The following MMD2 variants were observed in gnomAD, a reference collection of about 807,000 sequenced individuals.
MMD2 encodes the protein monocyte to macrophage differentiation associated 2, also known as monocyte to macrophage differentiation factor 2.
A neutral mutation model predicts 33.5 loss-of-function variants in MMD2; 30 were observed. The observed-to-expected ratio is 0.90, with a 90% CI of 0.67 to 1.22. The LOEUF (loss-of-function observed/expected upper bound fraction) is 1.22, where lower values mean the gene tolerates loss of function less well. Among genes scored for constraint, MMD2 ranks in the 50% most tolerant of loss-of-function variants. The pLI is 0.00. For synonymous variants in MMD2, 129 were observed against 123.0 expected, an observed-to-expected ratio of 1.05 and a Z score of -0.32; for missense variants, 364 against 325.4, an observed-to-expected ratio of 1.12 and a Z score of -0.91.
the MMD2 span, among the ~76,000 whole-genome samples, chr7:4,900,133 TC>T: frequency 6.6e-6 from 1 of 152,024 alleles, no homozygotes; most frequent in Non-Finnish European, 1.5e-5. Flanking sequence ...AAATCCCATC[TC>T]TACTAAAAAT....
chr7:4,913,706 G>C (rs1388841992), intron 4 of MMD2, among the ~76,000 whole-genome samples: 1 of 112,250 alleles, frequency 8.9e-6, no homozygotes, highest in African/African-American at 3.4e-5. Flanking sequence ...CAACAAGAGC[G>C]AAACTCTATC....
chr7:4,934,679 CCAGA>C (rs1354128917), intron 1 of MMD2, among the ~76,000 whole-genome samples: 2 of 152,158 alleles, frequency 1.3e-5, no homozygotes, highest in Non-Finnish European at 2.9e-5. Flanking sequence ...GGACCCAGAG[CCAGA>C]TGCTGGCAGG....
At chr7:4,925,411 G>C in intron 2 of MMD2, 40 bp downstream of exon 2, 2 of 1,421,736 alleles carry the variant, frequency 1.4e-6, no homozygotes, top group South Asian at 2.8e-5. Flanking sequence ...CCCCGGAAGT[G>C]TCCCCATCTC....
intron 1 of MMD2, among the ~76,000 whole-genome samples, chr7:4,951,568 T>G (rs151061329): frequency 1.5e-3 from 224 of 152,230 alleles, no homozygotes; most frequent in Middle Eastern, 6.8e-3. Context: ...ACCTGTGGTT[T>G]CTGCCCATCC....
At chr7:4,951,355 G>T (rs1159299683) in intron 1 of MMD2, among the ~76,000 whole-genome samples, 1 of 151,882 alleles carries the variant, frequency 6.6e-6, no homozygotes, top group Non-Finnish European at 1.5e-5. Flanking sequence ...GTGTGCTCGG[G>T]ACTCGTTGGG....
At chr7:4,944,375 T>A (rs1319265702) in intron 1 of MMD2, among the ~76,000 whole-genome samples, 1 of 152,020 alleles carries the variant, frequency 6.6e-6, no homozygotes, top group Non-Finnish European at 1.5e-5. Flanking sequence ...CAAAGGTGGG[T>A]CTAGTTCCAG....
chr7:4,935,671 C>T lies in MMD2; in HGVS notation c.48-10139G>A, dbSNP rs1402508690. Among the ~76,000 whole-genome samples the T allele has an allele frequency of 2.4e-5, 3 of 124,230 alleles. No homozygotes were observed. In the Admixed American group the frequency reaches 2.5e-4, roughly 10 times the overall value. 81.5% of individuals were successfully genotyped at this position (124,230 alleles called of 152,430 possible). A position where few individuals can be genotyped will look rare whatever the true frequency, so the allele number is the denominator to read the frequency against. On this transcript the variant is annotated intron_variant, in intron 1 of 6. Coordinates refer to ENST00000401401, the MANE Select transcript of MMD2 (RefSeq NM_198403.4). ...CCAGCCTGAATAACAGAGCAAGACC[C>T]TGTCTCAAAAAAAAAAAAAAAAAAA...
In MMD2 at chr7:4,953,177, G is replaced by A. The variant is rs772515125; in HGVS notation, c.47+5794C>T. Among the ~76,000 whole-genome samples, 95 of 151,816 alleles carry A rather than the reference G, an allele frequency of 6.3e-4. No individual in the cohort carries two copies. In the Middle Eastern group the frequency reaches 0.014, roughly 22 times the overall value. On this transcript the variant is annotated intron_variant, in intron 1 of 6. Coordinates refer to ENST00000401401, the MANE Select transcript of MMD2 (RefSeq NM_198403.4). Reference sequence around the variant, plus strand: ...CTACAGTTCCCCATCTCACCTGGACGTATTCCTATCTGAAGTGTTATCACA... The same window carrying A: ...CTACAGTTCCCCATCTCACCTGGACATATTCCTATCTGAAGTGTTATCACA...
rs1786388066 is a variant in MMD2, at chr7:4,956,624, T to A, written c.47+2347A>T. On this transcript the variant is annotated intron_variant, in intron 1 of 6. Transcript: ENST00000401401. Reference sequence around the variant, plus strand: ...GACTGGCCCGTGCTCCAGCTCCAGATCCCTATTCCAATTCCAGAGCAGCCA... The same window carrying A: ...GACTGGCCCGTGCTCCAGCTCCAGAACCCTATTCCAATTCCAGAGCAGCCA... 2.0e-5 allele frequency among the ~76,000 whole-genome samples: 3 copies of A among 151,984 alleles called. No homozygotes were observed. The East Asian group carries it at 5.8e-4, about 29-fold the overall frequency.
chr7:4,930,749 G>A (rs771193202), intron 1 of MMD2, among the ~76,000 whole-genome samples: 5 of 152,168 alleles, frequency 3.3e-5, no homozygotes, highest in South Asian at 2.1e-4. Context: ...GTGGCAATGC[G>A]AAGAAATATC....
In MMD2 at chr7:4,909,643, C is replaced by T. The variant is rs960546878; in HGVS notation, c.537+238G>A. 1.2e-4 allele frequency: 83 copies of T among 702,158 alleles called. 1 individual carries two copies. The Middle Eastern group carries it at 8.6e-3, about 73-fold the overall frequency. The allele number at this position is 702,158 out of a possible 1,614,324, so 43.5% of individuals were successfully genotyped here. A position where few individuals can be genotyped will look rare whatever the true frequency, so the allele number is the denominator to read the frequency against. The stretch of plus-strand genomic sequence containing the variant: ...TTAGAGATGGGTCTTGCTATGTTGC[C>T]CAGGCTGGTCTCAAATCCCTGGACT... On this transcript the variant is annotated intron_variant, in intron 6 of 6. Transcript: ENST00000401401.
At chr7:4,921,558 T>C (rs552810524) in intron 2 of MMD2, among the ~76,000 whole-genome samples, 2 of 149,922 alleles carry the variant, frequency 1.3e-5, no homozygotes, top group African/African-American at 2.5e-5. Flanking sequence ...GAGGTGGAGA[T>C]TGCAGTGAGC....
chr7:4,912,296 C>A (rs7807324), intron 4 of MMD2, among the ~76,000 whole-genome samples: 1 of 151,890 alleles, frequency 6.6e-6, no homozygotes, highest in Non-Finnish European at 1.5e-5. Flanking sequence ...CGGTGGCTCA[C>A]GCCTGTAATC....
intron 3 of MMD2, among the ~76,000 whole-genome samples, chr7:4,917,174 G>A (rs561879470): frequency 6.6e-6 from 1 of 152,096 alleles, no homozygotes; most frequent in South Asian, 2.1e-4. Flanking sequence ...CCAAGCTGTG[G>A]AGCCAAAAGG....
chr7:4,956,508 G>A (rs146958483), intron 1 of MMD2, among the ~76,000 whole-genome samples: 18 of 151,910 alleles, frequency 1.2e-4, no homozygotes, highest in African/African-American at 4.1e-4. Flanking sequence ...ACTGCACAAC[G>A]AGGAAGGGAA....
At chr7:4,936,924 C>T (rs1362205841) in intron 1 of MMD2, among the ~76,000 whole-genome samples, 6 of 150,698 alleles carry the variant, frequency 4.0e-5, no homozygotes, top group East Asian at 2.0e-4. Context: ...TTAGTAGAGA[C>T]GGGGTTTCAC....
At chr7:4,918,294 A>G (rs1168522145) in intron 3 of MMD2, among the ~76,000 whole-genome samples, 2 of 152,182 alleles carry the variant, frequency 1.3e-5, no homozygotes, top group African/African-American at 4.8e-5. Flanking sequence ...TCTGTCTAGC[A>G]AAGTGCAGCC....
chr7:4,908,742 C>A (rs919284396), intron 6 of MMD2, among the ~76,000 whole-genome samples: 12 of 151,330 alleles, frequency 7.9e-5, no homozygotes, highest in African/African-American at 2.7e-4. Context: ...ACTAAAAATA[C>A]AATAATTAGC....
At chr7:4,911,938 C>G (rs1274112131) in intron 4 of MMD2, among the ~76,000 whole-genome samples, 1 of 151,864 alleles carries the variant, frequency 6.6e-6, no homozygotes, top group African/African-American at 2.4e-5. Flanking sequence ...TGAGCCACCG[C>G]GCCCGGCCTC....
Sources: allele counts gnomAD v4.1 joint callset (sites outside exome capture counted in the v4.1 genomes callset), GRCh38; gene constraint gnomAD v4.1.1; transcripts MANE v1.5; gene names NCBI Gene and HGNC (gene_info 2026-07-23, HGNC 2026-07-21).